SOCS5: variants seen among roughly 807,000 people sequenced by gnomAD.
SOCS5 encodes the protein CIS-6.
In SOCS5, 32 loss-of-function variants were observed where a neutral mutation model predicts 42.8. The observed-to-expected ratio is 0.75, with a 90% CI of 0.56 to 1.01. The LOEUF (loss-of-function observed/expected upper bound fraction) is 1.01. Among genes scored for constraint, SOCS5 ranks in the 50% least tolerant of loss-of-function variants. The pLI is 0.00. For synonymous variants in SOCS5, 283 were observed against 229.6 expected, an observed-to-expected ratio of 1.23 and a Z score of -2.10; for missense variants, 627 against 653.0, an observed-to-expected ratio of 0.96 and a Z score of 0.43.
intron 1 of SOCS5, among the ~76,000 whole-genome samples, chr2:46,712,205 CTTT>C (rs1672638776): frequency 6.6e-6 from 1 of 151,208 alleles, no homozygotes; most frequent in Non-Finnish European, 1.5e-5. Flanking sequence ...TTTAGATCTT[CTTT>C]TTTAGTGTAG....
chr2:46,723,427 T>G (rs1217605727), intron 1 of SOCS5, among the ~76,000 whole-genome samples: 1 of 152,094 alleles, frequency 6.6e-6, no homozygotes, highest in Non-Finnish European at 1.5e-5. Context: ...TACAAAACAT[T>G]AGATCTGTGA....
At chr2:46,723,444 T>C (rs111795485) in intron 1 of SOCS5, among the ~76,000 whole-genome samples, 12,825 of 152,090 alleles carry the variant, frequency 0.084, 658 homozygotes, top group Middle Eastern at 0.25. Context: ...GTGATCCATT[T>C]TGAGTTATTG....
chr2:46,703,532 A>G (rs1394817440), intron 1 of SOCS5, among the ~76,000 whole-genome samples: 1 of 152,226 alleles, frequency 6.6e-6, no homozygotes, highest in East Asian at 1.9e-4. Context: ...CTATTACATA[A>G]TCTAATCATG....
chr2:46,727,692 C>G (rs1209210689), intron 1 of SOCS5, among the ~76,000 whole-genome samples: 2 of 152,110 alleles, frequency 1.3e-5, no homozygotes, highest in African/African-American at 4.8e-5. Flanking sequence ...GTTCAGTTCT[C>G]ATAGTTTTTG....
Position 46,759,000 on chromosome 2 carries a change from G to T in SOCS5, c.470G>T (p.Gly157Val). The change falls in exon 2 of 2, where the codon GGC becomes GTC. Residue 157 changes from glycine to valine, a missense_variant. Coordinates refer to ENST00000394861, the MANE Select transcript of SOCS5 (RefSeq NM_144949.3). ...SGLQRRERRY[G>V]VSSVHDMDSV... ...CTTCAAAGGAGAGAGAGGCGCTACG[G>T]CGTAAGTTCTGTACACGACATGGAC... 1 of 1,613,990 alleles carries T rather than the reference G, an allele frequency of 6.2e-7. No homozygotes were observed. Among genetic ancestry groups the T allele is most frequent in the Non-Finnish European group, 8.5e-7 (1 of 1,179,852 alleles).
intron 1 of SOCS5, among the ~76,000 whole-genome samples, chr2:46,746,585 A>T (rs916603599): frequency 2.0e-5 from 3 of 151,422 alleles, no homozygotes; most frequent in African/African-American, 7.3e-5. Context: ...TGAGAGGTAG[A>T]GGTTGCAGTG....
At position 46,758,729 on chromosome 2, in the gene SOCS5, C is replaced by G; in HGVS notation, c.199C>G (p.Leu67Val). ...SPLRENIALQ[L>V]GLSPSKNSSR... Reference sequence around the variant, plus strand: ...CTTAAGAGAAAATATTGCCTTACAACTGGGATTAAGCCCTTCGAAGAATTC... The same window carrying G: ...CTTAAGAGAAAATATTGCCTTACAAGTGGGATTAAGCCCTTCGAAGAATTC... The change falls in exon 2 of 2, where the codon CTG becomes GTG. Residue 67 changes from leucine (L) to valine (V), a missense_variant. Coordinates refer to ENST00000394861, the MANE Select transcript of SOCS5 (RefSeq NM_144949.3). The G allele has an allele frequency of 6.2e-7, 1 of 1,614,114 alleles. No homozygotes were observed. The highest frequency in any genetic ancestry group is 8.5e-7 in the Non-Finnish European group (1 of 1,179,964).
rs1262617146 is a variant in SOCS5 at position 46,761,785 on chromosome 2, C to T, written c.*1644C>T. 6.0e-6 allele frequency: 1 copy of T among 166,538 alleles called. No homozygotes were observed. Among genetic ancestry groups the T allele is most frequent in the Non-Finnish European group, 1.5e-5 (1 of 68,102 alleles). The allele number at this position is 166,538 out of a possible 1,614,324, so 10.3% of individuals were successfully genotyped here. Reference sequence around the variant, plus strand: ...CTAAATTTAATGCTCTACATCTTATCAGTCATAATTATATATACTGTGGAA... The same window carrying T: ...CTAAATTTAATGCTCTACATCTTATTAGTCATAATTATATATACTGTGGAA... On this transcript the variant is annotated 3_prime_UTR_variant, in exon 2 of 2. Coordinates refer to ENST00000394861, the MANE Select transcript of SOCS5 (RefSeq NM_144949.3).
At chr2:46,714,913 C>T (rs935944837) in intron 1 of SOCS5, among the ~76,000 whole-genome samples, 4 of 151,546 alleles carry the variant, frequency 2.6e-5, no homozygotes, top group Non-Finnish European at 5.9e-5. Flanking sequence ...TTTTTATTGG[C>T]GGCCTTAATT....
Position 46,761,444 on chromosome 2 carries a change from C to G in SOCS5, c.*1303C>G, listed in dbSNP as rs994238976. 1.2e-5 allele frequency: 2 copies of G among 167,046 alleles called. No individual in the cohort carries two copies. 10.3% of individuals were successfully genotyped at this position (167,046 alleles called of 1,614,324 possible). A position where few individuals can be genotyped will look rare whatever the true frequency, so the allele number is the denominator to read the frequency against. ...TGCTCCATAGTTTCCTTACCTGCTG[C>G]TACAGAATGTTATTTTACATCCCTA... On this transcript the variant is annotated 3_prime_UTR_variant, in exon 2 of 2. Coordinates refer to ENST00000394861, the MANE Select transcript of SOCS5 (RefSeq NM_144949.3).
At chr2:46,722,266 C>T (rs148198106) in intron 1 of SOCS5, among the ~76,000 whole-genome samples, 1 of 152,084 alleles carries the variant, frequency 6.6e-6, no homozygotes, top group African/African-American at 2.4e-5. Context: ...CTTCATTCTC[C>T]TGTTTCACTG....
At chr2:46,724,723 C>G (rs769129749) in intron 1 of SOCS5, among the ~76,000 whole-genome samples, 6 of 151,878 alleles carry the variant, frequency 4.0e-5, no homozygotes, top group Non-Finnish European at 5.9e-5. Flanking sequence ...GGTCAAACAA[C>G]ATATTTTATG....
intron 1 of SOCS5, among the ~76,000 whole-genome samples, chr2:46,726,135 C>T (rs908304808): frequency 6.6e-6 from 1 of 151,978 alleles, no homozygotes; most frequent in Non-Finnish European, 1.5e-5. Flanking sequence ...CTCGCTCTGT[C>T]GCCCAGGCTG....
intron 1 of SOCS5, among the ~76,000 whole-genome samples, chr2:46,746,954 G>T (rs2103749765): frequency 9.8e-6 from 1 of 101,710 alleles, no homozygotes; most frequent in East Asian, 2.7e-4. Flanking sequence ...GCCTTATTGA[G>T]CTGGCTGTTG....
At chr2:46,714,026 C>T (rs776318059) in intron 1 of SOCS5, among the ~76,000 whole-genome samples, 15 of 152,108 alleles carry the variant, frequency 9.9e-5, no homozygotes, top group Non-Finnish European at 2.1e-4. Context: ...CTCTTAATAA[C>T]TTCAACCAAT....
rs1673806374 is a variant in SOCS5 at position 46,759,345 on chromosome 2, T to C, written c.815T>C (p.Ile272Thr). ...DRLRERRRLS[I>T]EEGVDPPPNA... is the part of the protein sequence containing the mutation. ...CTTAGAGAGAGAAGGCGGCTTAGTA[T>C]TGAAGAAGGGGTTGATCCCCCTCCC... Residue 272 changes from isoleucine to threonine, a missense_variant, in exon 2 of 2, where the codon ATT becomes ACT. Transcript: ENST00000394861. The C allele has an allele frequency of 6.2e-7, 1 of 1,613,930 alleles. No individual in the cohort carries two copies.
At chr2:46,730,230 C>G (rs894832565) in intron 1 of SOCS5, among the ~76,000 whole-genome samples, 2 of 152,132 alleles carry the variant, frequency 1.3e-5, no homozygotes, top group African/African-American at 4.8e-5. Context: ...CCATGTAATG[C>G]TCGGTATTTT....
chr2:46,745,961 A>G (rs1673486018), intron 1 of SOCS5, among the ~76,000 whole-genome samples: 1 of 152,106 alleles, frequency 6.6e-6, no homozygotes, highest in South Asian at 2.1e-4. Flanking sequence ...ATATTCCTAA[A>G]TTATAATACC....
chr2:46,700,479 A>C (rs1272546706), intron 1 of SOCS5, among the ~76,000 whole-genome samples: 1 of 152,212 alleles, frequency 6.6e-6, no homozygotes, highest in African/African-American at 2.4e-5. Flanking sequence ...ACTGACTTTT[A>C]TTCTAGAAGA....
Sources: allele counts gnomAD v4.1 joint callset (sites outside exome capture counted in the v4.1 genomes callset), GRCh38; gene constraint gnomAD v4.1.1; transcripts MANE v1.5; gene names NCBI Gene and HGNC (gene_info 2026-07-23, HGNC 2026-07-21).